The following SETBP1 variants were observed in gnomAD, a reference collection of about 807,000 sequenced individuals.
SETBP1 encodes the protein SET-binding protein.
In SETBP1, 9 loss-of-function variants were observed where a neutral mutation model predicts 101.0. That is an observed-to-expected ratio of 0.09 (90% CI 0.05 to 0.16). The LOEUF (loss-of-function observed/expected upper bound fraction) is 0.16, where lower values mean the gene tolerates loss of function less well. Among genes scored for constraint, SETBP1 ranks in the 10% least tolerant of loss-of-function variants. The pLI is 1.00. For synonymous variants in SETBP1, 818 were observed against 788.5 expected, an observed-to-expected ratio of 1.04 and a Z score of -0.63; for missense variants, 1,858 against 2,033.8, an observed-to-expected ratio of 0.91 and a Z score of 1.66.
chr18:44,805,884 A>G (rs1181633782), intron 2 of SETBP1, among the ~76,000 whole-genome samples: 2 of 152,168 alleles, frequency 1.3e-5, no homozygotes, highest in Non-Finnish European at 2.9e-5. Context: ...AGGCAGTGGT[A>G]GGGCTAGGGG....
chr18:44,690,084 A>G (rs529477280), intron 1 of SETBP1, among the ~76,000 whole-genome samples: 1 of 152,350 alleles, frequency 6.6e-6, no homozygotes, highest in East Asian at 1.9e-4. Flanking sequence ...GTATCTTTAG[A>G]ACAAGAAATG....
intron 2 of SETBP1, among the ~76,000 whole-genome samples, chr18:44,785,711 C>A (rs764054188): frequency 6.6e-6 from 1 of 152,180 alleles, no homozygotes; most frequent in African/African-American, 2.4e-5. Context: ...TCTTCCCCTT[C>A]GTTATCTCTT....
At chr18:44,901,250 T>A (rs1311646193) in intron 3 of SETBP1, among the ~76,000 whole-genome samples, 2 of 152,190 alleles carry the variant, frequency 1.3e-5, no homozygotes, top group East Asian at 3.8e-4. Flanking sequence ...TATAGCTCTG[T>A]CTATTCTGTG....
intron 2 of SETBP1, among the ~76,000 whole-genome samples, chr18:44,856,394 C>A (rs1018044631): frequency 1.3e-5 from 2 of 152,058 alleles, no homozygotes; most frequent in African/African-American, 4.8e-5. Flanking sequence ...CAAGTCACTG[C>A]CCGATTTTTT....
intron 3 of SETBP1, among the ~76,000 whole-genome samples, chr18:44,929,821 TAAG>T (rs1195159720): frequency 1.3e-5 from 2 of 152,222 alleles, no homozygotes; most frequent in Non-Finnish European, 2.9e-5. Flanking sequence ...CTTATCAGCT[TAAG>T]GAGATTTTGG....
chr18:44,752,964 C>T (rs1055290887), intron 2 of SETBP1, among the ~76,000 whole-genome samples: 21 of 152,234 alleles, frequency 1.4e-4, no homozygotes, highest in Non-Finnish European at 2.5e-4. Context: ...TTAGAAATTA[C>T]TACTGATTCC....
At position 44,924,922 on chromosome 18, in the gene SETBP1, C is replaced by T. The variant is rs984689063; in HGVS notation, c.541-24959C>T. 9.2e-5 allele frequency among the ~76,000 whole-genome samples: 14 copies of T among 151,450 alleles called. No individual in the cohort carries two copies. The South Asian group carries it at 1.0e-3, about 11-fold the overall frequency. ...CAAGATCAGGGAGAGCAGAGCAGGA[C>T]GGCAGTTCAGGATAGGCGTGTCCAG... On this transcript the variant is annotated intron_variant, in intron 3 of 5. Transcript: ENST00000649279.
chr18:44,897,870 G>A (rs1429624278), intron 3 of SETBP1, among the ~76,000 whole-genome samples: 1 of 152,158 alleles, frequency 6.6e-6, no homozygotes, highest in Admixed American at 6.5e-5. Context: ...GTGTGATAGA[G>A]GATTTTTAGT....
At chr18:44,989,895 AAAAAAAAAAAAATTT>A (rs2072324944) in intron 4 of SETBP1, among the ~76,000 whole-genome samples, 1 of 123,336 alleles carries the variant, frequency 8.1e-6, no homozygotes, top group Non-Finnish European at 1.5e-5. Flanking sequence ...AAAAAAAAAA[AAAAAAAAAAAAATTT>A]ATCTAAGTGG....
intron 3 of SETBP1, among the ~76,000 whole-genome samples, chr18:44,899,697 C>T (rs1376004826): frequency 6.6e-6 from 1 of 152,184 alleles, no homozygotes; most frequent in Admixed American, 6.6e-5. Context: ...GCATTGATCT[C>T]CACAAACTAT....
Position 45,066,586 on chromosome 18 carries a change from T to C in SETBP1, c.*2888T>C, listed in dbSNP as rs991411009. 6.6e-6 allele frequency: 1 copy of C among 151,906 alleles called. No homozygotes were observed. The highest frequency in any genetic ancestry group is 2.4e-5 in the African/African-American group (1 of 41,332). 9.4% of individuals were successfully genotyped at this position (151,906 alleles called of 1,614,324 possible). A position where few individuals can be genotyped will look rare whatever the true frequency, so the allele number is the denominator to read the frequency against. On this transcript the variant is annotated 3_prime_UTR_variant, in exon 6 of 6. Transcript: ENST00000649279. ...TGGGCCAATGCAGCTTACAGACGGT[T>C]GCAGAGCTAGGAAGAAAACCCAGCT...
intron 2 of SETBP1, among the ~76,000 whole-genome samples, chr18:44,837,847 T>C (rs2144504958): frequency 6.6e-6 from 1 of 152,354 alleles, no homozygotes; most frequent in Non-Finnish European, 1.5e-5. Context: ...TGATTATCTG[T>C]CGTTTCAGAT....
Position 44,921,413 on chromosome 18 carries a change from G to A in SETBP1, c.541-28468G>A, listed in dbSNP as rs866847751. On this transcript the variant is annotated intron_variant, in intron 3 of 5. Transcript: ENST00000649279. ...GCAGGGGGCTGGACACTGCCTGTTGGAACTGGGTTGAGGTTCCAGTGGCAG... is the reference window on the plus strand; with the variant it reads ...GCAGGGGGCTGGACACTGCCTGTTGAAACTGGGTTGAGGTTCCAGTGGCAG... Among the ~76,000 whole-genome samples the A allele has an allele frequency of 2.6e-5, 4 of 152,202 alleles. No individual in the cohort carries two copies. The South Asian group carries it at 8.3e-4, about 32-fold the overall frequency.
intron 2 of SETBP1, among the ~76,000 whole-genome samples, chr18:44,810,130 A>G (rs1373211682): frequency 6.6e-6 from 1 of 152,220 alleles, no homozygotes; most frequent in African/African-American, 2.4e-5. Flanking sequence ...TTCTCAAAAT[A>G]TTCCTACCTT....
chr18:44,703,120 C>A (rs1190565463), intron 2 of SETBP1, among the ~76,000 whole-genome samples: 1 of 152,062 alleles, frequency 6.6e-6, no homozygotes, highest in African/African-American at 2.4e-5. Context: ...AAGTTTTTGT[C>A]TTCGAAAATC....
At chr18:44,821,836 C>A (rs1599174850) in intron 2 of SETBP1, among the ~76,000 whole-genome samples, 1 of 152,300 alleles carries the variant, frequency 6.6e-6, no homozygotes, top group South Asian at 2.1e-4. Flanking sequence ...TAGCAAGGAC[C>A]TGGGTCTCCT....
intron 2 of SETBP1, among the ~76,000 whole-genome samples, chr18:44,841,990 AG>A (rs1212190690): frequency 6.6e-6 from 1 of 152,264 alleles, no homozygotes; most frequent in East Asian, 1.9e-4. Context: ...CTTTGATAAA[AG>A]CCATTTAAAG....
intron 2 of SETBP1, among the ~76,000 whole-genome samples, chr18:44,759,215 G>A (rs1007217312): frequency 8.5e-5 from 13 of 152,132 alleles, no homozygotes; most frequent in Non-Finnish European, 2.9e-5. Context: ...GCAGCCTCTC[G>A]ATTTTACCCA....
chr18:44,867,632 TTTAA>T (rs1307941772), intron 2 of SETBP1, among the ~76,000 whole-genome samples: 1 of 152,140 alleles, frequency 6.6e-6, no homozygotes, highest in African/African-American at 2.4e-5. Flanking sequence ...GGCTTGGCTG[TTTAA>T]TTATCATCAG....
Sources: allele counts gnomAD v4.1 joint callset (sites outside exome capture counted in the v4.1 genomes callset), GRCh38; gene constraint gnomAD v4.1.1; transcripts MANE v1.5; gene names NCBI Gene and HGNC (gene_info 2026-07-23, HGNC 2026-07-21).